Variants in PPP2R2C observed in about 807,000 individuals in gnomAD.
The protein encoded by PPP2R2C is protein phosphatase 2 regulatory subunit Bgamma.
Under a neutral mutation model 45.3 loss-of-function variants are expected in PPP2R2C, and 10 were observed. That is an observed-to-expected ratio of 0.22 (90% CI 0.14 to 0.37). The LOEUF is 0.37. PPP2R2C is among the 10% of genes least tolerant of loss of function. The probability of loss-of-function intolerance (pLI) is 1.00; values close to 1 mark genes in which losing one functional copy is unlikely to be tolerated. For synonymous variants in PPP2R2C, 257 were observed against 245.4 expected, an observed-to-expected ratio of 1.05 and a Z score of -0.44; for missense variants, 308 against 619.7, an observed-to-expected ratio of 0.50 and a Z score of 5.34.
At chr4:6,512,095 G>GTGA (rs1723598496) in intron 2 of PPP2R2C, among the ~76,000 whole-genome samples, 1 of 51,558 alleles carries the variant, frequency 1.9e-5, no homozygotes, top group East Asian at 1.1e-3. Context: ...GGTGGTGGTG[G>GTGA]TGGTGGTGGT....
At chr4:6,323,662 GT>G (rs1731709543) in intron 8 of PPP2R2C, 69 bp from the exon 9 acceptor site, 1 of 1,412,532 alleles carries the variant, frequency 7.1e-7, no homozygotes. Flanking sequence ...AAGCCCAGGT[GT>G]GGGGGCTCAC....
chr4:6,376,045 T>C (rs1458678065), intron 3 of PPP2R2C, 114 bp from the exon 4 acceptor site: 1 of 860,556 alleles, frequency 1.2e-6, no homozygotes, highest in African/African-American at 1.7e-5. Context: ...GAGGGGGTTC[T>C]GCCAACAGAC....
intron 1 of PPP2R2C, among the ~76,000 whole-genome samples, chr4:6,469,302 C>A (rs4374689): frequency 6.6e-6 from 1 of 151,790 alleles, no homozygotes. Context: ...GTATTCCAGG[C>A]AACAGCCATT....
At chr4:6,524,791 T>C (rs756622103) in intron 2 of PPP2R2C, among the ~76,000 whole-genome samples, 8 of 152,186 alleles carry the variant, frequency 5.3e-5, no homozygotes, top group Non-Finnish European at 1.0e-4. Context: ...TTCATTTAGT[T>C]TGAAAAATAA....
intron 1 of PPP2R2C, among the ~76,000 whole-genome samples, chr4:6,461,910 C>T (rs1009936814): frequency 1.3e-5 from 2 of 152,198 alleles, no homozygotes; most frequent in African/African-American, 4.8e-5. Context: ...AAGACAGGGA[C>T]CCACAGGCAC....
At chr4:6,374,890 C>A (rs530146084) in intron 4 of PPP2R2C, among the ~76,000 whole-genome samples, 1 of 152,136 alleles carries the variant, frequency 6.6e-6, no homozygotes, top group African/African-American at 2.4e-5. Context: ...TGGGTGAAAT[C>A]GGAAGCAAAC....
chr4:6,363,781 C>A (rs377568146), intron 5 of PPP2R2C, among the ~76,000 whole-genome samples: 45 of 152,180 alleles, frequency 3.0e-4, no homozygotes, highest in African/African-American at 9.4e-4. Context: ...GCAAGGATAG[C>A]CCAACTGTCT....
At chr4:6,470,688 G>A (rs62284531) in intron 1 of PPP2R2C, among the ~76,000 whole-genome samples, 19,416 of 152,164 alleles carry the variant, frequency 0.13, 1,618 homozygotes, top group Non-Finnish European at 0.19. Context: ...ACCACATCCC[G>A]GACCCACGCT....
chr4:6,345,682 C>T lies in PPP2R2C; in HGVS notation c.790+2164G>A, dbSNP rs1711815058. Among the ~76,000 whole-genome samples the T allele has an allele frequency of 6.6e-6, 1 of 152,124 alleles. No homozygotes were observed. The highest frequency in any genetic ancestry group is 1.5e-5 in the Non-Finnish European group (1 of 68,026). On this transcript the variant is annotated intron_variant, in intron 6 of 8. Coordinates refer to ENST00000382599, the MANE Select transcript of PPP2R2C (RefSeq NM_020416.4). The surrounding 1 kb of genome is among the most constrained non-coding windows in gnomAD (Gnocchi z 5.3). The stretch of plus-strand genomic sequence containing the variant: ...CCCCAGAGCCTCCCGAAGGTACCAG[C>T]CCGTGGCACCTTCATTATGGCCAGT...
chr4:6,544,531 C>T (rs2108834701), intron 1 of PPP2R2C, among the ~76,000 whole-genome samples: 1 of 151,924 alleles, frequency 6.6e-6, no homozygotes, highest in East Asian at 1.9e-4. Flanking sequence ...GAGACGGGAT[C>T]TCACTATGTT....
At chr4:6,509,178 A>G (rs1250945765) in intron 2 of PPP2R2C, among the ~76,000 whole-genome samples, 2 of 152,212 alleles carry the variant, frequency 1.3e-5, no homozygotes, top group Non-Finnish European at 2.9e-5. Flanking sequence ...TCAGACAGCA[A>G]ACTGTACATG....
chr4:6,522,073 G>T (rs1452878682), intron 2 of PPP2R2C, among the ~76,000 whole-genome samples: 1 of 152,090 alleles, frequency 6.6e-6, no homozygotes, highest in African/African-American at 2.4e-5. Flanking sequence ...CGATGGGCCT[G>T]TCTCTGTGAA....
chr4:6,509,426 T>G (rs1464323798), intron 2 of PPP2R2C, among the ~76,000 whole-genome samples: 21 of 152,126 alleles, frequency 1.4e-4, no homozygotes, highest in Admixed American at 1.4e-3. Context: ...AGTCGAAATG[T>G]TATTCAGAAA....
intron 1 of PPP2R2C, chr4:6,383,720 T>C: frequency 1.3e-6 from 1 of 743,624 alleles, no homozygotes; most frequent in Non-Finnish European, 1.7e-6. Context: ...GCTTTTATCA[T>C]CTGTAGGCTC....
chr4:6,407,477 C>T lies in PPP2R2C; in HGVS notation c.71-26383G>A, dbSNP rs532228971. 8.5e-5 allele frequency among the ~76,000 whole-genome samples: 13 copies of T among 152,336 alleles called. No individual in the cohort carries two copies. In the South Asian group the frequency reaches 2.5e-3, roughly 29 times the overall value. On this transcript the variant is annotated intron_variant, in intron 1 of 8. Transcript: ENST00000382599. ...GTGGCACGATCTCAGCTCACTGCAACCTCGCCTGCTGGGTTCAAGCGATTC... is the reference window on the plus strand; with the variant it reads ...GTGGCACGATCTCAGCTCACTGCAATCTCGCCTGCTGGGTTCAAGCGATTC...
intron 1 of PPP2R2C, among the ~76,000 whole-genome samples, chr4:6,407,775 G>A (rs78224834): frequency 0.01 from 1,533 of 152,266 alleles, 21 homozygotes; most frequent in African/African-American, 0.035. Flanking sequence ...CAAAAGTGAG[G>A]AAAATGGATT....
chr4:6,365,057 A>C (rs1714162806), intron 5 of PPP2R2C, among the ~76,000 whole-genome samples: 1 of 152,194 alleles, frequency 6.6e-6, no homozygotes, highest in Non-Finnish European at 1.5e-5. Flanking sequence ...CTTCTTCCCA[A>C]GGTGCTTGGC....
chr4:6,419,386 A>G (rs1718815666), intron 1 of PPP2R2C, among the ~76,000 whole-genome samples: 1 of 152,110 alleles, frequency 6.6e-6, no homozygotes, highest in Non-Finnish European at 1.5e-5. Flanking sequence ...AGATGGTGCC[A>G]CTGCCACTGC....
At chr4:6,381,993 G>T in intron 1 of PPP2R2C, 1 of 1,423,640 alleles carries the variant, frequency 7.0e-7, no homozygotes, top group Non-Finnish European at 9.1e-7. Flanking sequence ...GGAGGACAAG[G>T]CCCTAGCCTG....
Sources: gnomAD v4.1 joint callset for allele counts (sites outside exome capture counted in the v4.1 genomes callset) on GRCh38, gnomAD v4.1.1 for gene constraint, Gnocchi (gnomAD v3.1) non-coding constraint, MANE v1.5 for transcripts, NCBI Gene and HGNC (gene_info 2026-07-23, HGNC 2026-07-21) for gene names.